Variants in CWC27 observed in about 807,000 individuals in gnomAD.
The protein encoded by CWC27 is CWC27 spliceosome associated cyclophilin, also known as spliceosome-associated protein CWC27 homolog.
Under a neutral mutation model 63.6 loss-of-function variants are expected in CWC27, and 47 were observed. That is an observed-to-expected ratio of 0.74 (90% CI 0.58 to 0.94). CWC27 has a LOEUF of 0.94. CWC27 is among the 40% of genes least tolerant of loss of function. CWC27 has a pLI of 0.00. For synonymous variants in CWC27, 175 were observed against 179.8 expected (o/e 0.97, Z 0.22); for missense variants, 495 against 554.3 (o/e 0.89, Z 1.07).
chr5:64,853,030 A>G (rs1048823873), intron 10 of CWC27, among the ~76,000 whole-genome samples: 3 of 152,132 alleles, frequency 2.0e-5, no homozygotes, highest in African/African-American at 7.2e-5. Context: ...CTAACTCCTT[A>G]CATTGAAAAG....
intron 7 of CWC27, among the ~76,000 whole-genome samples, chr5:64,795,748 A>G (rs1340074427): frequency 1.3e-5 from 2 of 152,124 alleles, no homozygotes; most frequent in Non-Finnish European, 2.9e-5. Flanking sequence ...ATTTATATGC[A>G]AAGTCTCTTT....
intron 13 of CWC27, among the ~76,000 whole-genome samples, chr5:64,987,706 A>G (rs1014540140): frequency 1.1e-4 from 16 of 152,330 alleles, no homozygotes; most frequent in Middle Eastern, 3.4e-3. Context: ...TTTTCACTGA[A>G]TACAGAATTA....
At chr5:64,852,222 G>A (rs1182731450) in intron 10 of CWC27, among the ~76,000 whole-genome samples, 1 of 152,110 alleles carries the variant, frequency 6.6e-6, no homozygotes, top group Non-Finnish European at 1.5e-5. Context: ...GTTTTTATGT[G>A]CACAAATAAA....
chr5:64,934,644 T>C (rs1038317233), intron 11 of CWC27, among the ~76,000 whole-genome samples: 5 of 152,190 alleles, frequency 3.3e-5, no homozygotes, highest in African/African-American at 1.2e-4. Context: ...GGTCAAATGG[T>C]ATTTCTGGTT....
At chr5:64,823,890 A>G (rs1034696409) in intron 10 of CWC27, among the ~76,000 whole-genome samples, 1 of 152,140 alleles carries the variant, frequency 6.6e-6, no homozygotes, top group South Asian at 2.1e-4. Context: ...AAAATTGTTA[A>G]TTATTTTTAT....
At chr5:64,911,064 G>A (rs2112378259) in intron 11 of CWC27, among the ~76,000 whole-genome samples, 1 of 152,302 alleles carries the variant, frequency 6.6e-6, no homozygotes, top group South Asian at 2.1e-4. Context: ...GACCAGAGCT[G>A]TTCCTATTCG....
intron 10 of CWC27, among the ~76,000 whole-genome samples, chr5:64,812,034 G>T (rs916151054): frequency 2.4e-4 from 37 of 151,972 alleles, no homozygotes; most frequent in African/African-American, 8.4e-4. Context: ...GCTTCTTCTC[G>T]TACTTAGATA....
intron 11 of CWC27, among the ~76,000 whole-genome samples, chr5:64,962,691 G>GA (rs1359306638): frequency 2.0e-5 from 3 of 152,080 alleles, no homozygotes; most frequent in African/African-American, 4.8e-5. Context: ...AAAATAATGG[G>GA]AAAAAATGGC....
intron 4 of CWC27, among the ~76,000 whole-genome samples, chr5:64,784,813 A>C (rs1275441608): frequency 6.6e-6 from 1 of 152,216 alleles, no homozygotes; most frequent in East Asian, 1.9e-4. Flanking sequence ...GGAAATATGC[A>C]TTGGCACATT....
chr5:64,835,505 C>G (rs1745637621), intron 10 of CWC27, among the ~76,000 whole-genome samples: 2 of 151,668 alleles, frequency 1.3e-5, no homozygotes, highest in South Asian at 2.1e-4. Flanking sequence ...TTTCCACTTT[C>G]CATTATGTAA....
At chr5:64,988,983 A>G (rs266562) in intron 13 of CWC27, among the ~76,000 whole-genome samples, 68,110 of 151,918 alleles carry the variant, frequency 0.45, 15,439 homozygotes, top group African/African-American at 0.47. Context: ...GACTTTATGG[A>G]TTCCCTTTTC....
At chr5:64,807,853 A>G (rs1253293767) in intron 10 of CWC27, 9 of 1,511,616 alleles carry the variant, frequency 6.0e-6, no homozygotes, top group African/African-American at 1.4e-5. Context: ...CCGCTTCGAG[A>G]GTAAAAACTA....
At chr5:64,938,340 A>T (rs1300085772) in intron 11 of CWC27, among the ~76,000 whole-genome samples, 1 of 152,086 alleles carries the variant, frequency 6.6e-6, no homozygotes, top group Non-Finnish European at 1.5e-5. Context: ...TCTGTAAAGC[A>T]TTTTCTTTCT....
chr5:64,977,830 A>C (rs980128093), intron 13 of CWC27, among the ~76,000 whole-genome samples: 1 of 152,086 alleles, frequency 6.6e-6, no homozygotes, highest in Non-Finnish European at 1.5e-5. Flanking sequence ...AAAAGGAATA[A>C]AAATTGTGTT....
intron 2 of CWC27, among the ~76,000 whole-genome samples, chr5:64,779,157 C>A (rs1483155530): frequency 6.6e-6 from 1 of 152,050 alleles, no homozygotes; most frequent in Non-Finnish European, 1.5e-5. Flanking sequence ...TAATAGAAGA[C>A]CCAACTCAAA....
At chr5:64,804,704 T>G (rs915059332) in intron 10 of CWC27, 6 of 189,818 alleles carry the variant, frequency 3.2e-5, no homozygotes, top group Admixed American at 6.0e-5. Context: ...TAAATACCAA[T>G]GAGAGCAGTA....
chr5:64,932,910 C>T (rs1404081551), intron 11 of CWC27, among the ~76,000 whole-genome samples: 1 of 152,168 alleles, frequency 6.6e-6, no homozygotes, highest in East Asian at 1.9e-4. Flanking sequence ...CTATACACTG[C>T]TACTTAAGTG....
intron 10 of CWC27, among the ~76,000 whole-genome samples, chr5:64,859,995 T>C (rs1042413917): frequency 6.6e-6 from 1 of 152,198 alleles, no homozygotes; most frequent in Non-Finnish European, 1.5e-5. Flanking sequence ...CACTCTAATA[T>C]GTTAACTCTA....
intron 11 of CWC27, among the ~76,000 whole-genome samples, chr5:64,966,709 A>T (rs1210947319): frequency 6.6e-6 from 1 of 152,114 alleles, no homozygotes; most frequent in Non-Finnish European, 1.5e-5. Context: ...TACCTACTAG[A>T]GGAAATGCAT....
Sources: allele counts gnomAD v4.1 joint callset (sites outside exome capture counted in the v4.1 genomes callset), GRCh38; gene constraint gnomAD v4.1.1; transcripts MANE v1.5; gene names NCBI Gene and HGNC (gene_info 2026-07-23, HGNC 2026-07-21).